Variants in FRRS1L observed in about 807,000 individuals in gnomAD.
FRRS1L encodes DOMON domain-containing protein FRRS1L.
A neutral mutation model predicts 28.6 loss-of-function variants in FRRS1L; 22 were observed. That is an observed-to-expected ratio of 0.77 (90% CI 0.55 to 1.10). FRRS1L has a LOEUF of 1.10. FRRS1L is among the 50% of genes least tolerant of loss of function. FRRS1L has a pLI of 0.00. For synonymous variants in FRRS1L, 158 were observed against 151.4 expected (o/e 1.04, Z -0.32); for missense variants, 380 against 386.9 (o/e 0.98, Z 0.15).
intron 3 of FRRS1L, among the ~76,000 whole-genome samples, chr9:109,144,462 C>A (rs4978384): frequency 0.094 from 14,365 of 152,134 alleles, 940 homozygotes; most frequent in Middle Eastern, 0.16. Context: ...CCTCTGCCTC[C>A]TAAGCAATTC....
chr9:109,162,278 T>C (rs573685410), intron 1 of FRRS1L, among the ~76,000 whole-genome samples: 1 of 152,312 alleles, frequency 6.6e-6, no homozygotes, highest in East Asian at 1.9e-4. Flanking sequence ...ATCGCACTAC[T>C]GCACTCCAGC....
At chr9:109,155,882 C>A (rs913082412) in intron 1 of FRRS1L, among the ~76,000 whole-genome samples, 1 of 150,928 alleles carries the variant, frequency 6.6e-6, no homozygotes, top group Admixed American at 6.6e-5. Flanking sequence ...AGATGCACAA[C>A]CCTGTGAATA....
chr9:109,160,811 T>TTTTTG (rs1242761688), intron 1 of FRRS1L, among the ~76,000 whole-genome samples: 1 of 136,094 alleles, frequency 7.3e-6, no homozygotes, highest in African/African-American at 2.5e-5. Context: ...TTTTTTTTTT[T>TTTTTG]AGACAGAGTC....
chr9:109,167,004 G>T lies in FRRS1L; in HGVS notation c.135C>A (p.Arg45=). The T allele has an allele frequency of 8.0e-7, 1 of 1,249,000 alleles. No homozygotes were observed. The highest frequency in any genetic ancestry group is 1.0e-6 in the Non-Finnish European group (1 of 995,812). 77.4% of individuals were successfully genotyped at this position (1,249,000 alleles called of 1,614,324 possible). ...AGPGGRGPRG[R]ARGDTGADEA... is the part of the protein sequence containing the mutation. The stretch of plus-strand genomic sequence containing the variant: ...CGTCGGCGCCCGTGTCCCCCCGCGC[G>T]CGTCCCCGGGGTCCCCGGCCCCCCG... The change falls in exon 1 of 5, where the codon CGC becomes CGA. Residue 45 remains arginine, a synonymous_variant. Coordinates refer to ENST00000561981, the MANE Select transcript of FRRS1L (RefSeq NM_014334.4).
At chr9:109,163,598 A>G (rs2118515570) in intron 1 of FRRS1L, among the ~76,000 whole-genome samples, 1 of 152,320 alleles carries the variant, frequency 6.6e-6, no homozygotes, top group South Asian at 2.1e-4. Context: ...ATACTGGGGA[A>G]ATAGTCTCTG....
intron 1 of FRRS1L, among the ~76,000 whole-genome samples, chr9:109,153,260 CT>C (rs1247092991): frequency 6.6e-6 from 1 of 152,144 alleles, no homozygotes; most frequent in Admixed American, 6.5e-5. Flanking sequence ...AAGGTTGGGG[CT>C]TTGTGCTAGA....
Position 109,131,685 on chromosome 9 carries a change from G to T in FRRS1L, c.*5770C>A, listed in dbSNP as rs73520953. ...AAATGTATATCACTTTCATATCATC[G>T]TAAGTTTGAAAACTCTTAAGTTGAA... On this transcript the variant is annotated 3_prime_UTR_variant, in exon 5 of 5. Coordinates refer to ENST00000561981, the MANE Select transcript of FRRS1L (RefSeq NM_014334.4). 5 of 152,278 alleles carry T rather than the reference G, an allele frequency of 3.3e-5. No individual in the cohort carries two copies. The highest frequency in any genetic ancestry group is 3.3e-4 in the Admixed American group (5 of 15,302). The allele number at this position is 152,278 out of a possible 1,614,324, so 9.4% of individuals were successfully genotyped here.
In FRRS1L at chr9:109,147,101, C is replaced by T. The variant is rs2118482092; in HGVS notation, c.412G>A (p.Ala138Thr). The T allele has an allele frequency of 6.2e-7, 1 of 1,613,808 alleles. No individual in the cohort carries two copies. Among genetic ancestry groups the T allele is most frequent in the Non-Finnish European group, 8.5e-7 (1 of 1,179,644 alleles). The stretch of plus-strand genomic sequence containing the variant: ...ACTGCTACCCAACCATCTGTGTCTG[C>T]ACTCAGCTCAAATTCTACATCAGCC... ...IGADVEFELS[A>T]DTDGWVAVGF... Residue 138 changes from alanine to threonine, a missense_variant, in exon 3 of 5, where the codon GCA becomes ACA. By Grantham distance (58) the Ala-to-Thr change is moderately conservative. Coordinates refer to ENST00000561981, the MANE Select transcript of FRRS1L (RefSeq NM_014334.4).
Position 109,156,232 on chromosome 9 carries a change from G to T in FRRS1L, c.239-6512C>A, listed in dbSNP as rs184007328. On this transcript the variant is annotated intron_variant, in intron 1 of 4. Transcript: ENST00000561981. ...GTATTTTCACTCTTTCCCTTGATTG[G>T]TCATGCCAGAAATTTGTGTATCTTA... Among the ~76,000 whole-genome samples, 391 of 152,182 alleles carry T rather than the reference G, an allele frequency of 2.6e-3. 10 individuals carry two copies. Among genetic ancestry groups the T allele is most frequent in the Admixed American group, 0.024 (362 of 15,282 alleles).
In FRRS1L at chr9:109,137,476, G is replaced by A. The variant is rs570300260; in HGVS notation, c.861C>T (p.Tyr287=). 1 of 1,610,250 alleles carries A rather than the reference G, an allele frequency of 6.2e-7. No individual in the cohort carries two copies. The highest frequency in any genetic ancestry group is 1.1e-5 in the South Asian group (1 of 90,416). The change falls in exon 5 of 5, where the codon TAC becomes TAT. Residue 287 remains tyrosine, a synonymous_variant. Coordinates refer to ENST00000561981, the MANE Select transcript of FRRS1L (RefSeq NM_014334.4). ...GTGGTTAGGGGGTTCCCATCAATAG[G>A]TAGAAGGTCAGAGCAACAATCAGAA... ...CLLLIVALTF[Y]LLMGTP is the part of the protein sequence containing the mutation.
intron 3 of FRRS1L, among the ~76,000 whole-genome samples, chr9:109,146,625 T>C (rs1289336880): frequency 6.6e-6 from 1 of 152,158 alleles, no homozygotes; most frequent in Admixed American, 6.5e-5. Flanking sequence ...CTTCTGCCTC[T>C]GCCATGAAAA....
intron 1 of FRRS1L, among the ~76,000 whole-genome samples, chr9:109,164,691 C>T (rs1225966438): frequency 6.6e-6 from 1 of 152,206 alleles, no homozygotes; most frequent in Non-Finnish European, 1.5e-5. Context: ...GCACCACGCC[C>T]GGCCCCATCA....
intron 1 of FRRS1L, among the ~76,000 whole-genome samples, chr9:109,165,193 G>A (rs558897863): frequency 6.6e-6 from 1 of 152,316 alleles, no homozygotes; most frequent in Non-Finnish European, 1.5e-5. Context: ...GACAGATTCC[G>A]CCACATGGCT....
At chr9:109,145,700 C>T (rs539938320) in intron 3 of FRRS1L, among the ~76,000 whole-genome samples, 75 of 150,272 alleles carry the variant, frequency 5.0e-4, no homozygotes, top group African/African-American at 1.7e-3. Context: ...GGCAACAGAG[C>T]GAGACTCTGT....
At chr9:109,154,486 G>A (rs1352089947) in intron 1 of FRRS1L, among the ~76,000 whole-genome samples, 2 of 152,130 alleles carry the variant, frequency 1.3e-5, no homozygotes, top group Non-Finnish European at 2.9e-5. Context: ...GTACTTATCC[G>A]AAGGCTAGAA....
intron 1 of FRRS1L, among the ~76,000 whole-genome samples, chr9:109,156,116 G>A (rs751785151): frequency 4.6e-5 from 7 of 152,096 alleles, no homozygotes; most frequent in Non-Finnish European, 7.4e-5. Flanking sequence ...ATCAGGGGCC[G>A]GCACACTAGA....
At chr9:109,148,437 T>C (rs1588099860) in intron 2 of FRRS1L, 1 of 152,246 alleles carries the variant, frequency 6.6e-6, no homozygotes, top group Admixed American at 6.5e-5. Flanking sequence ...ATTTAAATTT[T>C]CTTACAGAGC....
At chr9:109,160,475 C>T (rs1176325141) in intron 1 of FRRS1L, among the ~76,000 whole-genome samples, 1 of 25,728 alleles carries the variant, frequency 3.9e-5, no homozygotes, top group African/African-American at 1.3e-4. Context: ...CAGCCTCGAC[C>T]TCCTAGGCTC....
rs891362275 is a variant in FRRS1L at position 109,135,778 on chromosome 9, C to A, written c.*1677G>T. 6 of 152,008 alleles carry A rather than the reference C, an allele frequency of 3.9e-5. No homozygotes were observed. The East Asian group carries it at 1.2e-3, about 29-fold the overall frequency. The allele number at this position is 152,008 out of a possible 1,614,324, so 9.4% of individuals were successfully genotyped here. A position where few individuals can be genotyped will look rare whatever the true frequency, so the allele number is the denominator to read the frequency against. ...AAGTCTGAACATTTAAATGGATATT[C>A]TAGGTGAATTCACTTTATGGGTCAT... On this transcript the variant is annotated 3_prime_UTR_variant, in exon 5 of 5. Transcript: ENST00000561981.
Sources: gnomAD v4.1 joint callset for allele counts (sites outside exome capture counted in the v4.1 genomes callset) on GRCh38, gnomAD v4.1.1 for gene constraint, MANE v1.5 for transcripts, NCBI Gene and HGNC (gene_info 2026-07-23, HGNC 2026-07-21) for gene names.